FOXP1: variants seen among roughly 807,000 people sequenced by gnomAD.
The protein encoded by FOXP1 is forkhead box P1.
In FOXP1, 15 loss-of-function variants were observed where a neutral mutation model predicts 98.2. That is an observed-to-expected ratio of 0.15 (90% CI 0.10 to 0.24). FOXP1 has a LOEUF of 0.24. FOXP1 is among the 10% of genes least tolerant of loss of function. The probability of loss-of-function intolerance (pLI) is 1.00; values close to 1 mark genes in which losing one functional copy is unlikely to be tolerated. For synonymous variants in FOXP1, 371 were observed against 314.5 expected (o/e 1.18, Z -1.90); for missense variants, 633 against 848.5 (o/e 0.75, Z 3.15).
chr3:71,400,156 G>A (rs900362927), intron 3 of FOXP1, among the ~76,000 whole-genome samples: 1 of 151,920 alleles, frequency 6.6e-6, no homozygotes, highest in African/African-American at 2.4e-5. Flanking sequence ...AAAAATTTTG[G>A]CAAGTAGGTA....
chr3:71,508,177 A>C (rs2041960515), intron 2 of FOXP1, among the ~76,000 whole-genome samples: 1 of 152,218 alleles, frequency 6.6e-6, no homozygotes, highest in Non-Finnish European at 1.5e-5. Flanking sequence ...GGGAAAAAGG[A>C]CTAGAAAAGC....
Position 70,958,247 on chromosome 3 carries a change from C to A in FOXP1, c.*1000G>T. ...AAAAAAGAAAATCCGAAACACCCCTCCCCCGAACCACCCCCAATACTGCTG... is the reference window on the plus strand; with the variant it reads ...AAAAAAGAAAATCCGAAACACCCCTACCCCGAACCACCCCCAATACTGCTG... On this transcript the variant is annotated 3_prime_UTR_variant, in exon 21 of 21. Coordinates refer to ENST00000649528, the MANE Select transcript of FOXP1 (RefSeq NM_001349338.3). 1 of 516,200 alleles carries A rather than the reference C, an allele frequency of 1.9e-6. No homozygotes were observed. The allele number at this position is 516,200 out of a possible 1,614,324, so 32.0% of individuals were successfully genotyped here.
chr3:71,405,264 T>C (rs1459137179), intron 3 of FOXP1, among the ~76,000 whole-genome samples: 1 of 152,152 alleles, frequency 6.6e-6, no homozygotes, highest in Non-Finnish European at 1.5e-5. Flanking sequence ...GGAAAGGGTA[T>C]AGTAACAGCA....
chr3:71,354,211 G>C (rs369718780), intron 4 of FOXP1, among the ~76,000 whole-genome samples: 124 of 151,836 alleles, frequency 8.2e-4, no homozygotes, highest in African/African-American at 2.8e-3. Flanking sequence ...CCCAGGAGCG[G>C]AGGTTATGGT....
intron 3 of FOXP1, among the ~76,000 whole-genome samples, chr3:71,432,362 C>T (rs994804766): frequency 3.3e-5 from 5 of 152,186 alleles, no homozygotes; most frequent in African/African-American, 1.2e-4. Context: ...TTTTCCCCTT[C>T]CCCTTCCCTG....
At position 71,431,126 on chromosome 3, in the gene FOXP1, G is replaced by C. The variant is rs896859730; in HGVS notation, c.-168+62300C>G. 5.3e-5 allele frequency among the ~76,000 whole-genome samples: 8 copies of C among 152,282 alleles called. 1 individual carries two copies. The highest frequency in any genetic ancestry group is 1.9e-4 in the African/African-American group (8 of 41,562). On this transcript the variant is annotated intron_variant, in intron 3 of 20. Transcript: ENST00000649528. ...GCATGCAGCAAGCTCAGGCAATCTA[G>C]GGAGGCAGGTCGATCTGCAAATGAG... is the stretch of plus-strand genomic sequence containing the variant.
At chr3:71,064,885 G>A in intron 7 of FOXP1, 6 of 890,496 alleles carry the variant, frequency 6.7e-6, no homozygotes, top group Non-Finnish European at 8.0e-6. Context: ...CGCGCGGGCC[G>A]GGCGTGGGGT....
In FOXP1 at chr3:71,568,707, C is replaced by T. The variant is rs556665841; in HGVS notation, c.-298+12842G>A. Among the ~76,000 whole-genome samples, 55 of 151,846 alleles carry T rather than the reference C, an allele frequency of 3.6e-4. No individual in the cohort carries two copies. The South Asian group carries it at 6.0e-3, about 17-fold the overall frequency. On this transcript the variant is annotated intron_variant, in intron 2 of 20. Coordinates refer to ENST00000649528, the MANE Select transcript of FOXP1 (RefSeq NM_001349338.3). ...TGTCACCCAGGCTGGAGTGAAGTGG[C>T]GTGATCTCAGCTCACTGCAACCTCT...
At chr3:71,192,981 A>G (rs1238744078) in intron 6 of FOXP1, among the ~76,000 whole-genome samples, 2 of 151,986 alleles carry the variant, frequency 1.3e-5, no homozygotes, top group Non-Finnish European at 2.9e-5. Context: ...TGAAAAGAAA[A>G]AAGTATTTCT....
At chr3:71,237,227 A>T (rs1454770564) in intron 5 of FOXP1, among the ~76,000 whole-genome samples, 2 of 94,036 alleles carry the variant, frequency 2.1e-5, no homozygotes, top group African/African-American at 4.4e-5. Flanking sequence ...GCAAGACTCC[A>T]TCTGAAAAAA....
chr3:71,283,418 T>C (rs1278663842), intron 5 of FOXP1, among the ~76,000 whole-genome samples: 2 of 152,020 alleles, frequency 1.3e-5, no homozygotes, highest in Non-Finnish European at 2.9e-5. Flanking sequence ...TCTGGAACCA[T>C]GGGGCCAGAG....
intron 7 of FOXP1, among the ~76,000 whole-genome samples, chr3:71,101,652 T>A: frequency 7.6e-6 from 1 of 131,030 alleles, no homozygotes; most frequent in East Asian, 2.2e-4. Flanking sequence ...GGGAGGAGTT[T>A]AGGAAAGAAA....
At position 71,243,680 on chromosome 3, in the gene FOXP1, G is replaced by A. The variant is rs374828528; in HGVS notation, c.-11-45288C>T. Among the ~76,000 whole-genome samples, 10 of 152,016 alleles carry A rather than the reference G, an allele frequency of 6.6e-5. 1 individual carries two copies. The highest frequency in any genetic ancestry group is 1.9e-4 in the East Asian group (1 of 5,196). On this transcript the variant is annotated intron_variant, in intron 5 of 20. Transcript: ENST00000649528. ...GAAAACTGTAGAAAGAAAATACATC[G>A]TTGCCAAACATATTTATTATGATTA...
chr3:71,103,240 T>C (rs1427019055), intron 7 of FOXP1, among the ~76,000 whole-genome samples: 1 of 152,176 alleles, frequency 6.6e-6, no homozygotes, highest in Non-Finnish European at 1.5e-5. Flanking sequence ...GTCCTGAAAA[T>C]AACCCATAGT....
intron 6 of FOXP1, among the ~76,000 whole-genome samples, chr3:71,122,499 T>C (rs2058849518): frequency 6.6e-6 from 1 of 152,186 alleles, no homozygotes; most frequent in Non-Finnish European, 1.5e-5. Context: ...TAAGATTGTA[T>C]CTGTATAACA....
intron 2 of FOXP1, among the ~76,000 whole-genome samples, chr3:71,537,782 T>C (rs2044425909): frequency 6.6e-6 from 1 of 152,364 alleles, no homozygotes; most frequent in African/African-American, 2.4e-5. Context: ...ACTACTAGCC[T>C]GTAGGCCAAA....
In FOXP1 at chr3:71,090,291, T is replaced by C. The variant is rs982361423; in HGVS notation, c.282+22245A>G. Among the ~76,000 whole-genome samples the C allele has an allele frequency of 3.9e-5, 6 of 152,372 alleles. No homozygotes were observed. The South Asian group carries it at 1.2e-3, about 32-fold the overall frequency. On this transcript the variant is annotated intron_variant, in intron 7 of 20. Coordinates refer to ENST00000649528, the MANE Select transcript of FOXP1 (RefSeq NM_001349338.3). ...ATTCCCATGTTTTTCAACTAAACAG[T>C]ACCTCCCTGTTTGTAACAGAGTTGT...
intron 13 of FOXP1, among the ~76,000 whole-genome samples, chr3:70,992,948 G>A (rs2040834308): frequency 6.6e-6 from 1 of 152,166 alleles, no homozygotes; most frequent in Non-Finnish European, 1.5e-5. Flanking sequence ...CTTGTGCAGG[G>A]CATATCAGGA....
intron 3 of FOXP1, among the ~76,000 whole-genome samples, chr3:71,472,172 G>A (rs994750914): frequency 6.6e-6 from 1 of 152,104 alleles, no homozygotes; most frequent in African/African-American, 2.4e-5. Flanking sequence ...TTATTTTGCA[G>A]AGGACATACC....
Sources: gnomAD v4.1 joint callset for allele counts (sites outside exome capture counted in the v4.1 genomes callset) on GRCh38, gnomAD v4.1.1 for gene constraint, MANE v1.5 for transcripts, NCBI Gene and HGNC (gene_info 2026-07-23, HGNC 2026-07-21) for gene names.